The following TNR variants were observed in gnomAD, a reference collection of about 807,000 sequenced individuals.
TNR encodes tenascin R.
Under a neutral mutation model 150.4 loss-of-function variants are expected in TNR, and 45 were observed. The ratio of observed to expected loss-of-function variants is 0.30; its 90% CI spans 0.24 to 0.38. The LOEUF (loss-of-function observed/expected upper bound fraction) is 0.38, where lower values mean the gene tolerates loss of function less well. Among genes scored for constraint, TNR ranks in the 10% least tolerant of loss-of-function variants. TNR has a pLI of 1.00. For synonymous variants in TNR, 687 were observed against 678.4 expected (o/e 1.01, Z -0.20); for missense variants, 1,544 against 1,759.1 (o/e 0.88, Z 2.19).
At chr1:175,709,085 C>T (rs1443912852) in intron 1 of TNR, among the ~76,000 whole-genome samples, 1 of 152,026 alleles carries the variant, frequency 6.6e-6, no homozygotes. Context: ...CATGAGATGA[C>T]CTCTGCCTAC....
intron 1 of TNR, among the ~76,000 whole-genome samples, chr1:175,642,768 C>CA (rs1403906768): frequency 6.6e-6 from 1 of 151,922 alleles, no homozygotes; most frequent in African/African-American, 2.4e-5. Flanking sequence ...CCCATCTTTA[C>CA]AAAAAATAAA....
chr1:175,355,817 A>G (rs1160359770), intron 16 of TNR, among the ~76,000 whole-genome samples, 184 bp from the exon 17 acceptor site: 1 of 152,154 alleles, frequency 6.6e-6, no homozygotes, highest in African/African-American at 2.4e-5. Context: ...ATTCAGTGCC[A>G]CGATCATTCT....
At chr1:175,573,780 A>G (rs978236099) in intron 1 of TNR, among the ~76,000 whole-genome samples, 5 of 152,118 alleles carry the variant, frequency 3.3e-5, no homozygotes, top group Non-Finnish European at 4.4e-5. Context: ...TCCTGGCCGT[A>G]GGGTACAGAT....
At chr1:175,330,562 G>T (rs1439965588) in intron 20 of TNR, 3 of 216,854 alleles carry the variant, frequency 1.4e-5, no homozygotes, top group African/African-American at 6.8e-5. Flanking sequence ...GCCAAACCAT[G>T]GTACTAGAAG....
intron 2 of TNR, among the ~76,000 whole-genome samples, chr1:175,426,530 A>C (rs1654974591): frequency 6.6e-6 from 1 of 152,000 alleles, no homozygotes; most frequent in African/African-American, 2.4e-5. Context: ...AAGTGACAAG[A>C]CTGACCTGAT....
At position 175,379,584 on chromosome 1, in the gene TNR, C is replaced by T. The variant is rs772786500; in HGVS notation, c.1931G>A (p.Gly644Asp). ...GGTGGCCCTGGTGGTTGGACCAATGCCCCTGGGGACCAGTACCTCATGATA... is the reference window on the plus strand; with the variant it reads ...GGTGGCCCTGGTGGTTGGACCAATGTCCCTGGGGACCAGTACCTCATGATA... ...EQYHEVLVPR[G>D]IGPTTRATLT... is the part of the protein sequence containing the mutation. Residue 644 changes from glycine (G) to aspartate (D), a missense_variant, in exon 9 of 23, where the codon GGC becomes GAC. Physicochemically the swap from Gly to Asp is moderately conservative, Grantham distance 94 (BLOSUM62 -1). Transcript: ENST00000367674. 6.2e-7 allele frequency: 1 copy of T among 1,613,730 alleles called. No homozygotes were observed. Among genetic ancestry groups the T allele is most frequent in the South Asian group, 1.1e-5 (1 of 91,048 alleles).
chr1:175,641,008 T>A (rs1664641056), intron 1 of TNR, among the ~76,000 whole-genome samples: 1 of 152,172 alleles, frequency 6.6e-6, no homozygotes, highest in African/African-American at 2.4e-5. Context: ...TTCTACATTA[T>A]ACATACTCTC....
At chr1:175,622,262 C>T (rs1310918660) in intron 1 of TNR, among the ~76,000 whole-genome samples, 2 of 152,196 alleles carry the variant, frequency 1.3e-5, no homozygotes, top group Non-Finnish European at 2.9e-5. Flanking sequence ...CCTATTGAAT[C>T]CCTGACTGAT....
At chr1:175,642,774 A>C (rs1571705987) in intron 1 of TNR, among the ~76,000 whole-genome samples, 1 of 152,198 alleles carries the variant, frequency 6.6e-6, no homozygotes, top group Non-Finnish European at 1.5e-5. Flanking sequence ...TTTACAAAAA[A>C]TAAAAAATTA....
Position 175,348,152 on chromosome 1 carries a change from T to C in TNR, c.3382+6239A>G, listed in dbSNP as rs73036268. 3.1e-3 allele frequency among the ~76,000 whole-genome samples: 475 copies of C among 152,172 alleles called. 2 individuals are homozygous for C. The highest frequency in any genetic ancestry group is 0.011 in the African/African-American group (458 of 41,526). ...TATATATTTTTAAGTTAGACAAAAA[T>C]TATCAGCAATACAAAATGAAATGTT... On this transcript the variant is annotated intron_variant, in intron 18 of 22. Transcript: ENST00000367674.
At chr1:175,691,531 T>G (rs972967000) in intron 1 of TNR, among the ~76,000 whole-genome samples, 1 of 152,048 alleles carries the variant, frequency 6.6e-6, no homozygotes, top group Non-Finnish European at 1.5e-5. Flanking sequence ...CTACCCACTG[T>G]GTTCCTTAAC....
At chr1:175,335,520 A>T (rs61339031) in intron 20 of TNR, 191 bp downstream of exon 20, 11,070 of 552,296 alleles carry the variant, frequency 0.02, 936 homozygotes, top group African/African-American at 0.19. Context: ...GAAAAGAGGG[A>T]AACACCACAG....
In TNR at chr1:175,671,911, C is replaced by CTGTGTGTG. The variant is rs35804880; in HGVS notation, c.-165+71307_-165+71314dup. Among the ~76,000 whole-genome samples, 1,284 of 142,112 alleles carry CTGTGTGTG rather than the reference C, an allele frequency of 9.0e-3. 17 individuals carry two copies. The highest frequency in any genetic ancestry group is 0.03 in the African/African-American group (1,148 of 37,656). The allele number at this position is 142,112 out of a possible 152,430, so 93.2% of individuals were successfully genotyped here. On this transcript the variant is annotated intron_variant, in intron 1 of 22. Coordinates refer to ENST00000367674, the MANE Select transcript of TNR (RefSeq NM_003285.3). Reference sequence around the variant, plus strand: ...TCCAAGGGAGTCTTATGAGCTGTACCTGTGTGTGTGTGTGTGTGTGTGTGT... The same window carrying CTGTGTGTG: ...TCCAAGGGAGTCTTATGAGCTGTACCTGTGTGTGTGTGTGTGTGTGTGTGTGTGTGTGT...
intron 1 of TNR, among the ~76,000 whole-genome samples, chr1:175,693,474 T>C (rs1264209074): frequency 6.6e-6 from 1 of 152,222 alleles, no homozygotes; most frequent in African/African-American, 2.4e-5. Context: ...GATCATCCCC[T>C]GTGTCACATG....
At chr1:175,550,057 C>T (rs1374583635) in intron 1 of TNR, among the ~76,000 whole-genome samples, 3 of 152,142 alleles carry the variant, frequency 2.0e-5, no homozygotes, top group Admixed American at 6.5e-5. Flanking sequence ...TAAAGGGAGG[C>T]TATTACAACA....
At chr1:175,651,649 A>G (rs1665000489) in intron 1 of TNR, among the ~76,000 whole-genome samples, 1 of 152,110 alleles carries the variant, frequency 6.6e-6, no homozygotes, top group Non-Finnish European at 1.5e-5. Flanking sequence ...TAGTGTTCAA[A>G]CAAAATAATC....
chr1:175,443,107 G>A (rs1655869314), intron 2 of TNR, among the ~76,000 whole-genome samples: 2 of 152,110 alleles, frequency 1.3e-5, no homozygotes, highest in Admixed American at 6.5e-5. Context: ...ATTAATAAAG[G>A]TAATTTAGAA....
intron 18 of TNR, among the ~76,000 whole-genome samples, chr1:175,349,227 C>T (rs1294332241): frequency 6.6e-6 from 1 of 152,194 alleles, no homozygotes; most frequent in Non-Finnish European, 1.5e-5. Flanking sequence ...CCCAGCAATT[C>T]CTCTTCTGGG....
intron 1 of TNR, among the ~76,000 whole-genome samples, chr1:175,626,773 C>T (rs1664169079): frequency 6.6e-6 from 1 of 152,142 alleles, no homozygotes; most frequent in African/African-American, 2.4e-5. Flanking sequence ...TGAATGTGAC[C>T]TTGTTTAGAA....
Sources: gnomAD v4.1 joint callset for allele counts (sites outside exome capture counted in the v4.1 genomes callset) on GRCh38, gnomAD v4.1.1 for gene constraint, MANE v1.5 for transcripts, NCBI Gene and HGNC (gene_info 2026-07-23, HGNC 2026-07-21) for gene names.